The following TTC39C variants were observed in gnomAD, a reference collection of about 807,000 sequenced individuals.
TTC39C encodes the protein tetratricopeptide repeat domain 39C.
TTC39C carries 33 observed loss-of-function variants against 76.3 expected under a neutral mutation model. The ratio of observed to expected loss-of-function variants is 0.43; its 90% CI spans 0.33 to 0.58. The LOEUF is 0.58. Ranked by LOEUF, TTC39C falls within the 20% of genes least tolerant of loss-of-function variation. TTC39C has a pLI of 0.04. For missense variants in TTC39C, 595 were observed against 701.4 expected (o/e 0.85, Z 1.71); for synonymous variants, 254 against 260.6 (o/e 0.97, Z 0.24).
chr18:24,049,224 C>T (rs967328005), intron 1 of TTC39C, among the ~76,000 whole-genome samples: 1 of 152,188 alleles, frequency 6.6e-6, no homozygotes, highest in Admixed American at 6.5e-5. Flanking sequence ...GGAGTAACTT[C>T]GTAGGCGTGG....
At chr18:24,128,229 G>A (rs1021161692) in intron 10 of TTC39C, among the ~76,000 whole-genome samples, 3 of 152,126 alleles carry the variant, frequency 2.0e-5, no homozygotes, top group African/African-American at 7.2e-5. Context: ...CTGCATTAAG[G>A]TTTCCTTAAT....
chr18:24,107,894 G>GT (rs1555776854), intron 6 of TTC39C, among the ~76,000 whole-genome samples: 2 of 145,380 alleles, frequency 1.4e-5, no homozygotes, highest in African/African-American at 5.5e-5. Context: ...AAGTAGGGGG[G>GT]GGGGTACAGG....
At chr18:24,080,259 G>A (rs922485285) in intron 4 of TTC39C, among the ~76,000 whole-genome samples, 9 of 152,288 alleles carry the variant, frequency 5.9e-5, no homozygotes, top group African/African-American at 2.2e-4. Context: ...CAGAACTCGT[G>A]AAAAGATGTT....
intron 1 of TTC39C, among the ~76,000 whole-genome samples, chr18:23,996,739 A>C (rs1245998545): frequency 6.6e-6 from 1 of 152,178 alleles, no homozygotes; most frequent in Non-Finnish European, 1.5e-5. Context: ...CACACTCAAA[A>C]ATTTGAGACC....
intron 4 of TTC39C, among the ~76,000 whole-genome samples, chr18:24,078,898 C>A (rs1305678075): frequency 6.6e-6 from 1 of 152,186 alleles, no homozygotes; most frequent in Non-Finnish European, 1.5e-5. Flanking sequence ...CAGCCAAGGG[C>A]CAACCTTTTT....
upstream of TTC39C, among the ~76,000 whole-genome samples, chr18:24,013,290 G>C (rs1244164198): frequency 6.6e-6 from 1 of 152,154 alleles, no homozygotes; most frequent in Admixed American, 6.5e-5. Context: ...ATGTACTCAA[G>C]AATTAGCATG....
At chr18:24,082,814 G>C in intron 5 of TTC39C, 99 bp from the exon 6 acceptor site, 1 of 1,230,866 alleles carries the variant, frequency 8.1e-7, no homozygotes, top group Non-Finnish European at 1.1e-6. Context: ...AAGCTTTTTG[G>C]ATAGAGTAGT....
rs549867547 is a variant in TTC39C at position 24,051,494 on chromosome 18, C to T, written c.168-12646C>T. On this transcript the variant is annotated intron_variant, in intron 1 of 13. Transcript: ENST00000317571. ...GGTGAGCTGGTGGTGGCTACAGACT[C>T]CCATACTCCCCAAAAGGGTGGGCAC... Among the ~76,000 whole-genome samples, 5 of 152,268 alleles carry T rather than the reference C, an allele frequency of 3.3e-5. No individual in the cohort carries two copies. In the South Asian group the frequency reaches 8.3e-4, roughly 25 times the overall value.
At chr18:24,011,420 C>T (rs2083392487), upstream of TTC39C, among the ~76,000 whole-genome samples, 1 of 152,204 alleles carries the variant, frequency 6.6e-6, no homozygotes, top group South Asian at 2.1e-4. Flanking sequence ...CTGGGAGCTT[C>T]CAAAAACCTT....
chr18:24,023,615 T>G (rs1293785643), intron 1 of TTC39C, among the ~76,000 whole-genome samples: 1 of 150,686 alleles, frequency 6.6e-6, no homozygotes, highest in Non-Finnish European at 1.5e-5. Context: ...GGGGTACCCC[T>G]AGGGGGTGGT....
At position 24,123,510 on chromosome 18, in the gene TTC39C, G is replaced by A. The variant is rs1339740377; in HGVS notation, c.1187-324G>A. 50 of 185,818 alleles carry A rather than the reference G, an allele frequency of 2.7e-4. No homozygotes were observed. In the Admixed American group the frequency reaches 2.9e-3, roughly 11 times the overall value. The allele number at this position is 185,818 out of a possible 1,614,324, so 11.5% of individuals were successfully genotyped here. A position where few individuals can be genotyped will look rare whatever the true frequency, so the allele number is the denominator to read the frequency against. On this transcript the variant is annotated intron_variant, in intron 8 of 13. Coordinates refer to ENST00000317571, the MANE Select transcript of TTC39C (RefSeq NM_001135993.2). Reference sequence around the variant, plus strand: ...CAACCTCTGCCTCCTAAGTTCAAGCGATTCTCCTGCCTTAGCCTCGCAAGT... The same window carrying A: ...CAACCTCTGCCTCCTAAGTTCAAGCAATTCTCCTGCCTTAGCCTCGCAAGT...
At chr18:24,040,780 T>C (rs1417427051) in intron 1 of TTC39C, among the ~76,000 whole-genome samples, 10 of 152,112 alleles carry the variant, frequency 6.6e-5, no homozygotes, top group Non-Finnish European at 2.9e-5. Context: ...TGAGTGAAGA[T>C]TGGTTAAGTG....
intron 1 of TTC39C, among the ~76,000 whole-genome samples, chr18:24,046,198 A>C (rs138931125): frequency 6.6e-6 from 1 of 151,696 alleles, no homozygotes; most frequent in Admixed American, 6.6e-5. Context: ...TTGGCCTCCC[A>C]AAGTGCTGGG....
At chr18:24,020,541 A>C (rs1803800327) in intron 1 of TTC39C, among the ~76,000 whole-genome samples, 1 of 152,222 alleles carries the variant, frequency 6.6e-6, no homozygotes, top group Admixed American at 6.5e-5. Context: ...GCGGATACCA[A>C]AATCTGTGGA....
chr18:24,035,091 C>T lies in TTC39C; in HGVS notation c.167+20053C>T, dbSNP rs142808359. Reference sequence around the variant, plus strand: ...GAATCTGGTCTCTTGCCTAGGCTTACGTACAGTGGTGTGATCAGAGATCAG... The same window carrying T: ...GAATCTGGTCTCTTGCCTAGGCTTATGTACAGTGGTGTGATCAGAGATCAG... On this transcript the variant is annotated intron_variant, in intron 1 of 13. Coordinates refer to ENST00000317571, the MANE Select transcript of TTC39C (RefSeq NM_001135993.2). Among the ~76,000 whole-genome samples the T allele has an allele frequency of 1.1e-3, 171 of 151,828 alleles. 1 individual carries two copies. The highest frequency in any genetic ancestry group is 3.8e-3 in the African/African-American group (159 of 41,372).
At chr18:24,115,857 T>G (rs1046919053) in intron 7 of TTC39C, among the ~76,000 whole-genome samples, 3 of 152,252 alleles carry the variant, frequency 2.0e-5, no homozygotes, top group Non-Finnish European at 4.4e-5. Flanking sequence ...GGAGCTCTGC[T>G]TAGTAGCCAC....
At chr18:24,063,514 C>CT (rs541055847) in intron 1 of TTC39C, among the ~76,000 whole-genome samples, 92,076 of 135,928 alleles carry the variant, frequency 0.68, 31,495 homozygotes, top group East Asian at 0.77. Flanking sequence ...TTGTTTCTAC[C>CT]TTTTTTTTTT....
rs1021572903 is a variant in TTC39C, at chr18:24,073,762, C to T, written c.460+4491C>T. On this transcript the variant is annotated intron_variant, in intron 4 of 13. Transcript: ENST00000317571. ...CTTGAACTCCTGGGCTCAAGCAATC[C>T]TTCCGCCTTGTCCTCCCAAAGTGTG... Among the ~76,000 whole-genome samples, 6 of 152,336 alleles carry T rather than the reference C, an allele frequency of 3.9e-5. No individual in the cohort carries two copies. The East Asian group carries it at 9.6e-4, about 24-fold the overall frequency.
In TTC39C at chr18:23,993,841, G is replaced by T. The variant is rs144470348; in HGVS notation, c.-17+803G>T. On this transcript the variant is annotated intron_variant, in intron 1 of 13. Transcript: ENST00000304621. The stretch of plus-strand genomic sequence containing the variant: ...AGAAATGGACCATAGTTTGACATTA[G>T]ATGTTTTGGTATTAGGTTTGTGCAA... 6.1e-3 allele frequency among the ~76,000 whole-genome samples: 931 copies of T among 152,260 alleles called. 6 individuals carry two copies. Among genetic ancestry groups the T allele is most frequent in the Middle Eastern group, 0.01 (3 of 294 alleles).
Sources: gnomAD v4.1 joint callset for allele counts (sites outside exome capture counted in the v4.1 genomes callset) on GRCh38, gnomAD v4.1.1 for gene constraint, MANE v1.5 for transcripts, NCBI Gene and HGNC (gene_info 2026-07-23, HGNC 2026-07-21) for gene names.